Variants in DMD observed in about 807,000 individuals in gnomAD.
DMD encodes mutant dystrophin.
In DMD, 63 loss-of-function variants were observed where a neutral mutation model predicts 330.1. The observed-to-expected ratio is 0.19, with a 90% CI of 0.16 to 0.24. The LOEUF is 0.24. Among genes scored for constraint, DMD ranks in the 10% least tolerant of loss-of-function variants. The pLI is 1.00. For synonymous variants in DMD, 1,223 were observed against 959.8 expected, an observed-to-expected ratio of 1.27 and a Z score of -5.07; for missense variants, 3,344 against 2,684.1, an observed-to-expected ratio of 1.25 and a Z score of -5.43.
chrX:31,667,916 A>G (rs1158017526), intron 53 of DMD, among the ~76,000 whole-genome samples: 1 of 112,011 alleles, frequency 8.9e-6, no homozygotes, highest in Non-Finnish European at 1.9e-5. Flanking sequence ...AGCATTCTTC[A>G]TCTTCTCAAC....
At chrX:31,901,670 T>C (rs2094424507) in intron 47 of DMD, among the ~76,000 whole-genome samples, 1 of 111,950 alleles carries the variant, frequency 8.9e-6, no homozygotes, top group Non-Finnish European at 1.9e-5. Flanking sequence ...TCCTTTATTA[T>C]TTTGTAGTCT....
At position 31,635,476 on chromosome X, in the gene DMD, A is replaced by T. The variant is rs190240547; in HGVS notation, c.8028-7614T>A. Among the ~76,000 whole-genome samples the T allele has an allele frequency of 5.4e-5, 6 of 112,013 alleles. No homozygotes were observed. In the East Asian group the frequency reaches 1.7e-3, roughly 31 times the overall value. On this transcript the variant is annotated intron_variant, in intron 54 of 78. Coordinates refer to ENST00000357033, the MANE Select transcript of DMD (RefSeq NM_004006.3). ...AGAGAAAAACAGAACAAAACAACTAACTGTAGCTTGTTAGTTGTTGATACA... is the reference window on the plus strand; with the variant it reads ...AGAGAAAAACAGAACAAAACAACTATCTGTAGCTTGTTAGTTGTTGATACA...
chrX:32,756,828 CT>C (rs2148340109), intron 7 of DMD, among the ~76,000 whole-genome samples: 1 of 111,546 alleles, frequency 9.0e-6, no homozygotes, highest in Non-Finnish European at 1.9e-5. Context: ...ATTTTCCCAA[CT>C]TTACAGTTAG....
chrX:33,120,497 G>C (rs1046414979), intron 1 of DMD, among the ~76,000 whole-genome samples: 40 of 110,985 alleles, frequency 3.6e-4, no homozygotes, highest in African/African-American at 1.3e-3. Flanking sequence ...ATGGAACTCG[G>C]GTGGGGAAAG....
At chrX:31,294,263 T>C (rs972004398) in intron 62 of DMD, among the ~76,000 whole-genome samples, 1 of 111,669 alleles carries the variant, frequency 9.0e-6, no homozygotes, top group African/African-American at 3.3e-5. Context: ...AGTTTCCAAG[T>C]CTGTGGGAAT....
In DMD at chrX:31,129,125, C is replaced by A. The variant is rs748065244; in HGVS notation, c.11015-2452G>T. Among the ~76,000 whole-genome samples, 6 of 110,865 alleles carry A rather than the reference C, an allele frequency of 5.4e-5. No individual in the cohort carries two copies. In the South Asian group the frequency reaches 2.3e-3, roughly 43 times the overall value. On this transcript the variant is annotated intron_variant, in intron 77 of 78. Transcript: ENST00000357033. ...CTAAATAAAGGGCTTGGTCAGGTCC[C>A]GAGAAGTCTAATTTCCTCGGGCACT...
At chrX:32,290,020 A>G (rs2097460074) in intron 42 of DMD, among the ~76,000 whole-genome samples, 1 of 111,743 alleles carries the variant, frequency 8.9e-6, no homozygotes, top group African/African-American at 3.3e-5. Flanking sequence ...ACTTGGTTGT[A>G]TACTACCTAC....
chrX:32,771,648 T>G (rs1036522557), intron 7 of DMD, among the ~76,000 whole-genome samples: 14 of 111,502 alleles, frequency 1.3e-4, no homozygotes, highest in Non-Finnish European at 2.4e-4. Flanking sequence ...TAACAACAAT[T>G]GGTTAAATAT....
At chrX:32,589,311 T>C (rs1165800365) in intron 13 of DMD, among the ~76,000 whole-genome samples, 1 of 111,436 alleles carries the variant, frequency 9.0e-6, no homozygotes, top group Non-Finnish European at 1.9e-5. Flanking sequence ...TATTAGTTCA[T>C]GTAATCTAGA....
intron 62 of DMD, among the ~76,000 whole-genome samples, chrX:31,317,564 G>A (rs1445196784): frequency 3.9e-5 from 4 of 102,537 alleles, no homozygotes; most frequent in Non-Finnish European, 7.9e-5. Context: ...CCAGGCTGGA[G>A]TGCAGTGGCG....
chrX:31,749,484 T>C (rs1274711363), intron 51 of DMD, among the ~76,000 whole-genome samples: 1 of 106,036 alleles, frequency 9.4e-6, no homozygotes, highest in Non-Finnish European at 1.9e-5. Flanking sequence ...CATCCTTTTT[T>C]ATGGCTGCAT....
chrX:33,072,450 C>G (rs1474898540), intron 1 of DMD, among the ~76,000 whole-genome samples: 1 of 112,089 alleles, frequency 8.9e-6, no homozygotes, highest in Non-Finnish European at 1.9e-5. Context: ...ACAAAAAAAT[C>G]TGGGCACAGA....
chrX:32,682,514 A>G (rs908612802), intron 9 of DMD, among the ~76,000 whole-genome samples: 2 of 111,578 alleles, frequency 1.8e-5, no homozygotes, highest in African/African-American at 6.5e-5. Context: ...CAAATATCAC[A>G]TATTTGACCC....
intron 44 of DMD, among the ~76,000 whole-genome samples, chrX:32,028,824 T>G (rs962350591): frequency 3.6e-5 from 4 of 111,520 alleles, no homozygotes; most frequent in African/African-American, 6.5e-5. Flanking sequence ...CATTTTTTTT[T>G]TGTGCAGTGT....
chrX:33,088,549 T>G (rs1358819907), intron 1 of DMD, among the ~76,000 whole-genome samples: 2 of 110,974 alleles, frequency 1.8e-5, no homozygotes, highest in Middle Eastern at 4.2e-3. Flanking sequence ...CTATGGATTC[T>G]TTAATTAAGA....
chrX:32,721,857 T>C (rs1211205567), intron 7 of DMD, among the ~76,000 whole-genome samples: 1 of 109,958 alleles, frequency 9.1e-6, no homozygotes, highest in African/African-American at 3.3e-5. Context: ...TTTCACTTAA[T>C]TTTTGTGTAC....
chrX:31,767,789 C>T (rs1317469643), intron 51 of DMD, among the ~76,000 whole-genome samples: 2 of 111,994 alleles, frequency 1.8e-5, no homozygotes, highest in Non-Finnish European at 3.8e-5. Context: ...TATTCTGTAG[C>T]TAATTCAAAT....
chrX:32,291,352 T>A (rs1034516326), intron 42 of DMD, among the ~76,000 whole-genome samples: 8 of 112,306 alleles, frequency 7.1e-5, no homozygotes, highest in African/African-American at 2.6e-4. Flanking sequence ...TGAAACAAAC[T>A]GATATATTAT....
chrX:32,401,482 T>C (rs73463863), intron 30 of DMD, among the ~76,000 whole-genome samples: 2,654 of 111,471 alleles, frequency 0.024, 80 homozygotes, highest in African/African-American at 0.083. Context: ...AAACATCCCA[T>C]GTTCTCAGTT....
Sources: gnomAD v4.1 joint callset for allele counts (sites outside exome capture counted in the v4.1 genomes callset) on GRCh38, gnomAD v4.1.1 for gene constraint, MANE v1.5 for transcripts, NCBI Gene and HGNC (gene_info 2026-07-23, HGNC 2026-07-21) for gene names.